Variants in PAWR observed in about 807,000 individuals in gnomAD.
PAWR encodes pro-apoptotic WT1 regulator, also known as PRKC apoptosis WT1 regulator protein.
A neutral mutation model predicts 32.0 loss-of-function variants in PAWR; 23 were observed. The observed-to-expected ratio is 0.72, with a 90% confidence interval of 0.52 to 1.02. The LOEUF is 1.02. PAWR is among the 50% of genes least tolerant of loss of function. The pLI is 0.00. For synonymous variants in PAWR, 226 were observed against 187.1 expected, an observed-to-expected ratio of 1.21 and a Z score of -1.70; for missense variants, 457 against 437.7, an observed-to-expected ratio of 1.04 and a Z score of -0.39.
intron 4 of PAWR, among the ~76,000 whole-genome samples, chr12:79,605,495 A>C (rs1874137555): frequency 6.6e-6 from 1 of 152,088 alleles, no homozygotes; most frequent in South Asian, 2.1e-4. Context: ...TTTGACATAT[A>C]ATGTGTGTAT....
intron 2 of PAWR, among the ~76,000 whole-genome samples, chr12:79,684,234 A>T (rs546571636): frequency 6.6e-6 from 1 of 152,318 alleles, no homozygotes; most frequent in South Asian, 2.1e-4. Flanking sequence ...CTTATAAAAC[A>T]TTATATCAAC....
chr12:79,615,294 C>T (rs1209510433), intron 3 of PAWR, among the ~76,000 whole-genome samples: 1 of 152,088 alleles, frequency 6.6e-6, no homozygotes, highest in African/African-American at 2.4e-5. Context: ...TCTTTCTCCC[C>T]CAAAACCCCA....
intron 2 of PAWR, among the ~76,000 whole-genome samples, chr12:79,674,577 G>C (rs1878068201): frequency 6.6e-6 from 1 of 152,046 alleles, no homozygotes; most frequent in African/African-American, 2.4e-5. Flanking sequence ...AAACTAAAGA[G>C]CTTCTGCACA....
At chr12:79,622,019 C>G (rs1484350080) in intron 2 of PAWR, among the ~76,000 whole-genome samples, 1 of 151,486 alleles carries the variant, frequency 6.6e-6, no homozygotes, top group Non-Finnish European at 1.5e-5. Flanking sequence ...AACAAATAAA[C>G]AAACAAAAAC....
In PAWR at chr12:79,592,546, T is replaced by C. The variant is rs751478294; in HGVS notation, c.*61A>G. On this transcript the variant is annotated 3_prime_UTR_variant, in exon 7 of 7. Transcript: ENST00000328827. ...GCAGCATAGGAATATTGTGCTAGCA[T>C]TGACCATTAACATTCAATCAGTAGT... 4.0e-5 allele frequency: 29 copies of C among 723,662 alleles called. 1 individual carries two copies. The highest frequency in any genetic ancestry group is 4.6e-4 in the Middle Eastern group (2 of 4,316). 44.8% of individuals were successfully genotyped at this position (723,662 alleles called of 1,614,324 possible).
At chr12:79,620,958 G>T in intron 3 of PAWR, 118 bp downstream of exon 3, 1 of 716,718 alleles carries the variant, frequency 1.4e-6, no homozygotes, top group Non-Finnish European at 2.3e-6. Context: ...GGTAAGGAAG[G>T]CATAAGTAGG....
At chr12:79,659,238 G>A (rs1877237042) in intron 2 of PAWR, among the ~76,000 whole-genome samples, 1 of 151,618 alleles carries the variant, frequency 6.6e-6, no homozygotes, top group Admixed American at 6.6e-5. Flanking sequence ...AGGTTGCAGT[G>A]AGCCAAGATG....
At position 79,664,365 on chromosome 12, in the gene PAWR, C is replaced by G. The variant is rs186154208; in HGVS notation, c.516+25364G>C. Among the ~76,000 whole-genome samples, 25 of 152,234 alleles carry G rather than the reference C, an allele frequency of 1.6e-4. No individual in the cohort carries two copies. The East Asian group carries it at 4.1e-3, about 25-fold the overall frequency. On this transcript the variant is annotated intron_variant, in intron 2 of 6. Transcript: ENST00000328827. ...AAAAAAATATATAGTAAATTAAACA[C>G]TCATTTCTTTACTATCTTACTTAGA...
At chr12:79,621,601 T>C (rs1472119998) in intron 2 of PAWR, among the ~76,000 whole-genome samples, 1 of 152,138 alleles carries the variant, frequency 6.6e-6, no homozygotes, top group African/African-American at 2.4e-5. Flanking sequence ...ATAATACATA[T>C]ATATAGATAG....
At chr12:79,626,679 T>G (rs1426572969) in intron 2 of PAWR, among the ~76,000 whole-genome samples, 1 of 151,880 alleles carries the variant, frequency 6.6e-6, no homozygotes, top group Admixed American at 6.6e-5. Context: ...CATGTTGGTG[T>G]GCTGCACCCA....
At chr12:79,651,229 C>A (rs1291347260) in intron 2 of PAWR, among the ~76,000 whole-genome samples, 1 of 152,104 alleles carries the variant, frequency 6.6e-6, no homozygotes, top group Admixed American at 6.6e-5. Context: ...CTTTATTTTT[C>A]TTTCTTCACA....
In PAWR at chr12:79,586,040, C is replaced by CATCT. The variant is rs1873375996; in HGVS notation, c.*6563_*6566dup. On this transcript the variant is annotated 3_prime_UTR_variant, in exon 7 of 7. Coordinates refer to ENST00000328827, the MANE Select transcript of PAWR (RefSeq NM_002583.4). ...TGCATTTCCAAAGCATCCATTTAGT[C>CATCT]ATCTCATCAAAATTTTCATTGATTT... is the stretch of plus-strand genomic sequence containing the variant. 1 of 152,192 alleles carries CATCT rather than the reference C, an allele frequency of 6.6e-6. No homozygotes were observed. The highest frequency in any genetic ancestry group is 1.5e-5 in the Non-Finnish European group (1 of 68,052). The allele number at this position is 152,192 out of a possible 1,614,324, so 9.4% of individuals were successfully genotyped here. A position where few individuals can be genotyped will look rare whatever the true frequency, so the allele number is the denominator to read the frequency against.
At chr12:79,657,447 T>C (rs960802648) in intron 2 of PAWR, among the ~76,000 whole-genome samples, 18 of 151,384 alleles carry the variant, frequency 1.2e-4, no homozygotes, top group Non-Finnish European at 8.8e-5. Context: ...TCAGGATACA[T>C]ATAGTAACTA....
intron 2 of PAWR, among the ~76,000 whole-genome samples, chr12:79,663,156 A>G (rs1257383426): frequency 1.3e-5 from 2 of 152,218 alleles, no homozygotes; most frequent in African/African-American, 4.8e-5. Flanking sequence ...GTTCAGTAGC[A>G]TAAGGCTTGC....
In PAWR at chr12:79,594,700, C is replaced by CGTGTGTGTGTGT. The variant is rs34121968; in HGVS notation, c.832-279_832-268dup. 2.8e-3 allele frequency among the ~76,000 whole-genome samples: 410 copies of CGTGTGTGTGTGT among 148,576 alleles called. 5 individuals carry two copies. The highest frequency in any genetic ancestry group is 9.4e-3 in the African/African-American group (386 of 41,048). ...TGTAATAGACTCAATGATTTAACCT[C>CGTGTGTGTGTGT]GTGTGTGTGTGTGTGTGTGTGTGTG... On this transcript the variant is annotated intron_variant, in intron 5 of 6. Transcript: ENST00000328827.
At chr12:79,628,142 G>A (rs1388889208) in intron 2 of PAWR, among the ~76,000 whole-genome samples, 1 of 152,140 alleles carries the variant, frequency 6.6e-6, no homozygotes, top group African/African-American at 2.4e-5. Flanking sequence ...TAGAACTCAG[G>A]ATTAAGAAAC....
intron 5 of PAWR, among the ~76,000 whole-genome samples, chr12:79,595,225 AG>A (rs1873704760): frequency 6.6e-6 from 1 of 152,264 alleles, no homozygotes; most frequent in African/African-American, 2.4e-5. Flanking sequence ...GATAAAAAGA[AG>A]GAACTAAAAT....
At chr12:79,595,071 T>A (rs1592488530) in intron 5 of PAWR, among the ~76,000 whole-genome samples, 1 of 152,154 alleles carries the variant, frequency 6.6e-6, no homozygotes, top group Admixed American at 6.6e-5. Flanking sequence ...TACCTTATTT[T>A]TTAATGGGTA....
At position 79,587,976 on chromosome 12, in the gene PAWR, C is replaced by A. The variant is rs1351707768; in HGVS notation, c.*4631G>T. The A allele has an allele frequency of 4.6e-5, 7 of 151,950 alleles. No homozygotes were observed. The highest frequency in any genetic ancestry group is 5.9e-5 in the Non-Finnish European group (4 of 67,848). The allele number at this position is 151,950 out of a possible 1,614,324, so 9.4% of individuals were successfully genotyped here. A position where few individuals can be genotyped will look rare whatever the true frequency, so the allele number is the denominator to read the frequency against. On this transcript the variant is annotated 3_prime_UTR_variant, in exon 7 of 7. Coordinates refer to ENST00000328827, the MANE Select transcript of PAWR (RefSeq NM_002583.4). Reference sequence around the variant, plus strand: ...GTTTTTCCACAAATATTTGGATTACCTGAATTAGCTGATTCTTCAGCAAAA... The same window carrying A: ...GTTTTTCCACAAATATTTGGATTACATGAATTAGCTGATTCTTCAGCAAAA...
Sources: allele counts gnomAD v4.1 joint callset (sites outside exome capture counted in the v4.1 genomes callset), GRCh38; gene constraint gnomAD v4.1.1; transcripts MANE v1.5; gene names NCBI Gene and HGNC (gene_info 2026-07-23, HGNC 2026-07-21).